Variants in CPM observed in about 807,000 individuals in gnomAD.
CPM encodes renal carboxypeptidase.
CPM carries 35 observed loss-of-function variants against 46.4 expected under a neutral mutation model. The observed-to-expected ratio is 0.75, with a 90% CI of 0.58 to 1.00. The LOEUF is 1.00. Among genes scored for constraint, CPM ranks in the 50% least tolerant of loss-of-function variants. The pLI, the probability that CPM is intolerant of heterozygous loss-of-function variation, is 0.00. For synonymous variants in CPM, 195 were observed against 195.3 expected (o/e 1.00, Z 0.01); for missense variants, 422 against 530.4 (o/e 0.80, Z 2.01).
chr12:68,961,837 TA>T (rs147420300), intron 1 of CPM, among the ~76,000 whole-genome samples: 4,477 of 152,142 alleles, frequency 0.029, 225 homozygotes, highest in African/African-American at 0.1. Flanking sequence ...AATAAGCAAT[TA>T]AAAAAATATT....
intron 2 of CPM, among the ~76,000 whole-genome samples, chr12:68,924,161 A>C (rs895072231): frequency 2.6e-5 from 4 of 151,556 alleles, no homozygotes; most frequent in Admixed American, 6.6e-5. Flanking sequence ...AAAAAAAAAA[A>C]AAAAAAAACC....
chr12:68,902,465 A>G (rs570569691), intron 2 of CPM, among the ~76,000 whole-genome samples: 1 of 152,198 alleles, frequency 6.6e-6, no homozygotes, highest in Admixed American at 6.5e-5. Context: ...TGAGGGGCAT[A>G]ATAAGGGGAT....
At chr12:68,846,758 C>G (rs1271114475), downstream of CPM, 2 of 151,660 alleles carry the variant, frequency 1.3e-5, no homozygotes, top group African/African-American at 2.4e-5. Context: ...TTTGCTTAAA[C>G]AAAGTTCATA....
chr12:68,862,970 A>C (rs1389835438), intron 7 of CPM, among the ~76,000 whole-genome samples: 1 of 152,214 alleles, frequency 6.6e-6, no homozygotes, highest in Non-Finnish European at 1.5e-5. Context: ...AGAAATGTAA[A>C]GCTCTTTTTC....
At chr12:68,881,604 C>A (rs1886191724) in intron 3 of CPM, among the ~76,000 whole-genome samples, 1 of 151,996 alleles carries the variant, frequency 6.6e-6, no homozygotes, top group Admixed American at 6.6e-5. Context: ...TACATGCACA[C>A]ACAAATATCT....
rs543385147 is a variant in CPM at position 68,953,019 on chromosome 12, C to G, written c.-4+10150G>C. On this transcript the variant is annotated intron_variant, in intron 1 of 8. Transcript: ENST00000546373. The stretch of plus-strand genomic sequence containing the variant: ...ATTTTCATCCAAAATTTACAGGTGA[C>G]CTAACCAAAATCACTGTTTCCCAAG... Among the ~76,000 whole-genome samples, 87 of 152,230 alleles carry G rather than the reference C, an allele frequency of 5.7e-4. No homozygotes were observed. In the South Asian group the frequency reaches 1.0e-2, roughly 17 times the overall value.
intron 2 of CPM, among the ~76,000 whole-genome samples, chr12:68,904,158 G>C (rs1887239577): frequency 6.6e-6 from 1 of 152,180 alleles, no homozygotes; most frequent in Non-Finnish European, 1.5e-5. Flanking sequence ...GGGATTACAG[G>C]TGTGAACCAC....
rs141114510 is a variant in CPM at position 68,869,483 on chromosome 12, A to G, written c.629T>C (p.Leu210Ser). The part of the protein sequence containing the change: ...FDNGVQATGA[L>S]YSRSLTPDDD... ...ATCAGGCGTTAAGCTTCGGGAGTAT[A>G]ATGCCCCAGTTGCTGCATTTAAAAG... The change falls in exon 6 of 9, where the codon TTA becomes TCA. Residue 210 changes from leucine to serine, a missense_variant. Transcript: ENST00000551568. The G allele has an allele frequency of 1.0e-4, 165 of 1,605,886 alleles. No homozygotes were observed. The highest frequency in any genetic ancestry group is 1.3e-4 in the Non-Finnish European group (157 of 1,175,396).
intron 2 of CPM, among the ~76,000 whole-genome samples, chr12:68,888,603 A>G (rs933474093): frequency 7.2e-5 from 11 of 152,230 alleles, no homozygotes; most frequent in African/African-American, 2.4e-4. Context: ...GGTAAGTAAA[A>G]GTAATCTAAA....
Position 68,856,484 on chromosome 12 carries a change from T to C in CPM, c.1285A>G (p.Ser429Gly). ...LPDHSAATKP[S>G]LFLFLVSLLH... ...AGACTCACTAAAAATAAGAACAAAC[T>C]AGGCTTTGTTGCAGCTGAGTGGTCT... Residue 429 changes from serine (S) to glycine (G), a missense_variant, in exon 9 of 9, where the codon AGT (serine) becomes GGT (glycine). By Grantham distance (56) the Ser-to-Gly change is moderately conservative. Transcript: ENST00000551568. 1 of 1,613,996 alleles carries C rather than the reference T, an allele frequency of 6.2e-7. No individual in the cohort carries two copies. The highest frequency in any genetic ancestry group is 8.5e-7 in the Non-Finnish European group (1 of 1,179,860).
intron 2 of CPM, among the ~76,000 whole-genome samples, chr12:68,928,858 G>GTGA (rs1888382684): frequency 2.6e-5 from 4 of 151,418 alleles, no homozygotes; most frequent in Non-Finnish European, 5.9e-5. Context: ...TCCTGCCTCA[G>GTGA]TTTCCCAAGT....
chr12:68,945,853 T>C (rs1007555640), intron 1 of CPM, among the ~76,000 whole-genome samples: 7 of 136,776 alleles, frequency 5.1e-5, no homozygotes, highest in African/African-American at 1.4e-4. Context: ...TTTCTTTTTT[T>C]TTTTTTTTTT....
rs1454083523 is a variant in CPM, at chr12:68,871,793, C to G, written c.422G>C (p.Ser141Thr). The G allele has an allele frequency of 6.2e-7, 1 of 1,614,108 alleles. No individual in the cohort carries two copies. Among genetic ancestry groups the G allele is most frequent in the African/African-American group, 1.3e-5 (1 of 75,028 alleles). The change falls in exon 4 of 9, where the codon AGC becomes ACC. Residue 141 changes from serine to threonine, a missense_variant. Physicochemically the swap from Ser to Thr is moderately conservative, Grantham distance 58. Coordinates refer to ENST00000551568, the MANE Select transcript of CPM (RefSeq NM_198320.5). ...ACCAGCCCCTCTTTACCTTCCGATG[C>G]TGTAATAACAGTCAGGCTTTTTGAC... The part of the protein sequence containing the change: ...EAVKKPDCYY[S>T]IGRENYNQYD...
At chr12:68,869,990 C>G (rs940677712) in intron 5 of CPM, among the ~76,000 whole-genome samples, 1 of 152,134 alleles carries the variant, frequency 6.6e-6, no homozygotes, top group Admixed American at 6.5e-5. Flanking sequence ...CTAAATTTCA[C>G]TAATTCACTG....
rs188573502 is a variant in CPM at position 68,875,266 on chromosome 12, G to A, written c.259-3310C>T. 5.9e-5 allele frequency among the ~76,000 whole-genome samples: 9 copies of A among 151,774 alleles called. No homozygotes were observed. In the East Asian group the frequency reaches 1.2e-3, roughly 20 times the overall value. On this transcript the variant is annotated intron_variant, in intron 3 of 8. Coordinates refer to ENST00000551568, the MANE Select transcript of CPM (RefSeq NM_198320.5). ...CTCGGGAGGCTGAGGCAGGAGAATC[G>A]CTTGAACCTGGGAAGCAGAGGTTGC... is the stretch of plus-strand genomic sequence containing the variant.
chr12:68,907,903 A>G (rs1592683160), intron 2 of CPM, among the ~76,000 whole-genome samples: 1 of 152,118 alleles, frequency 6.6e-6, no homozygotes, highest in Non-Finnish European at 1.5e-5. Flanking sequence ...ATCTGGGCTC[A>G]TTGCAATCTC....
At chr12:68,955,789 CCTGAGTCTGG>C (rs978162620) in intron 1 of CPM, among the ~76,000 whole-genome samples, 21 of 152,100 alleles carry the variant, frequency 1.4e-4, no homozygotes, top group African/African-American at 4.8e-4. Flanking sequence ...CCCATGTCTG[CCTGAGTCTGG>C]CTGAGTCTGG....
chr12:68,953,535 T>G (rs1344244927), intron 1 of CPM, among the ~76,000 whole-genome samples: 1 of 152,192 alleles, frequency 6.6e-6, no homozygotes, highest in East Asian at 1.9e-4. Flanking sequence ...CTTGATATAC[T>G]TATCATTCTC....
rs547334351 is a variant in CPM at position 68,924,127 on chromosome 12, T to C, written c.160+8551A>G. 5.9e-5 allele frequency among the ~76,000 whole-genome samples: 8 copies of C among 135,806 alleles called. No homozygotes were observed. The South Asian group carries it at 1.8e-3, about 31-fold the overall frequency. 89.1% of individuals were successfully genotyped at this position (135,806 alleles called of 152,430 possible). On this transcript the variant is annotated intron_variant, in intron 2 of 8. Coordinates refer to ENST00000551568, the MANE Select transcript of CPM (RefSeq NM_198320.5). ...GAGTTCGAGACCAGCCTGGGCTACA[T>C]AGTGAGACACCTGTCTCTACTTAAA...
Sources: allele counts gnomAD v4.1 joint callset (sites outside exome capture counted in the v4.1 genomes callset), GRCh38; gene constraint gnomAD v4.1.1; transcripts MANE v1.5; gene names NCBI Gene and HGNC (gene_info 2026-07-23, HGNC 2026-07-21).